Variants in TMEM272 observed in about 807,000 individuals in gnomAD.
The protein encoded by TMEM272 is transmembrane protein 272.
Under a neutral mutation model 3.7 loss-of-function variants are expected in TMEM272, and 8 were observed. The observed-to-expected ratio is 2.17, with a 90% CI of 1.27 to 3.91. The LOEUF (loss-of-function observed/expected upper bound fraction) is 3.91. Ranked by LOEUF, TMEM272 falls within the 30% of genes most tolerant of loss-of-function variation. TMEM272 has a pLI of 0.00. For missense variants in TMEM272, 166 were observed against 91.5 expected, an observed-to-expected ratio of 1.81 and a Z score of -3.32; for synonymous variants, 63 against 39.8, an observed-to-expected ratio of 1.58 and a Z score of -2.20.
chr13:51,844,363 T>G (rs969633390), intron 1 of TMEM272, among the ~76,000 whole-genome samples: 1 of 148,058 alleles, frequency 6.8e-6, no homozygotes, highest in African/African-American at 2.5e-5. Flanking sequence ...TATTAGACAT[T>G]AACCATCCCC....
intron 2 of TMEM272, among the ~76,000 whole-genome samples, chr13:51,836,006 G>C (rs1956213887): frequency 6.6e-6 from 1 of 152,236 alleles, no homozygotes; most frequent in Non-Finnish European, 1.5e-5. Flanking sequence ...CTAGGCTGAA[G>C]TATTGCATTT....
chr13:51,895,135 CCTG>C, the TMEM272 span, among the ~76,000 whole-genome samples: 1 of 152,182 alleles, frequency 6.6e-6, no homozygotes, highest in African/African-American at 2.4e-5. Context: ...CCACTCACCT[CCTG>C]CTGTGTGGCC....
the TMEM272 span, among the ~76,000 whole-genome samples, chr13:51,851,496 T>C: frequency 6.9e-6 from 1 of 145,582 alleles, no homozygotes; most frequent in Admixed American, 6.9e-5. Context: ...TCTCTCCAAA[T>C]CAGCACGAAA....
chr13:51,910,318 C>A, the TMEM272 span: 1 of 1,376,014 alleles, frequency 7.3e-7, no homozygotes, highest in Non-Finnish European at 1.0e-6. Flanking sequence ...CCTTCATACT[C>A]TTTTTGAACA....
At position 51,837,697 on chromosome 13, in the gene TMEM272, G is replaced by A. The variant is rs749496250; in HGVS notation, c.58+776C>T. Among the ~76,000 whole-genome samples, 89 of 152,346 alleles carry A rather than the reference G, an allele frequency of 5.8e-4. No individual in the cohort carries two copies. The Middle Eastern group carries it at 0.01, about 17-fold the overall frequency. ...GCTGGCATGCAGCAGTGCAGGAAAC[G>A]TCATGGGAGGAGAAGTGGGAGGTGG... is the stretch of plus-strand genomic sequence containing the variant. On this transcript the variant is annotated intron_variant, in intron 2 of 4. Coordinates refer to ENST00000629372, the MANE Select transcript of TMEM272 (RefSeq NM_001351003.2).
chr13:51,860,781 C>T, the TMEM272 span, among the ~76,000 whole-genome samples: 1 of 144,748 alleles, frequency 6.9e-6, no homozygotes, highest in Non-Finnish European at 1.5e-5. Flanking sequence ...TATACATATA[C>T]TTTTATATAG....
the TMEM272 span, among the ~76,000 whole-genome samples, chr13:51,904,042 G>A: frequency 0.17 from 25,733 of 150,448 alleles, 2,370 homozygotes; most frequent in Middle Eastern, 0.26. Context: ...ATTCACACTG[G>A]ACAAGTGAAC....
chr13:51,897,362 ATTTTTTTTTTTTTTTT>A, the TMEM272 span, among the ~76,000 whole-genome samples: 21,031 of 83,092 alleles, frequency 0.25, 1,823 homozygotes, highest in Middle Eastern at 0.54. Flanking sequence ...TGTCTGGCTA[ATTTTTTTTTTTTTTTT>A]TTTTTTTTTT....
chr13:51,855,417 A>G, the TMEM272 span, among the ~76,000 whole-genome samples: 1 of 152,252 alleles, frequency 6.6e-6, no homozygotes. Flanking sequence ...CAAAATAACA[A>G]GCCGTATAAG....
At chr13:51,913,892 T>C in the TMEM272 span, among the ~76,000 whole-genome samples, 1 of 152,182 alleles carries the variant, frequency 6.6e-6, no homozygotes, top group Admixed American at 6.5e-5. Context: ...GGCTGGGATT[T>C]TGGGTGCATT....
At chr13:51,821,366 TTGAAAAC>T (rs993201394) in intron 4 of TMEM272, among the ~76,000 whole-genome samples, 4 of 152,198 alleles carry the variant, frequency 2.6e-5, no homozygotes, top group African/African-American at 9.7e-5. Context: ...GCCAGGGATC[TTGAAAAC>T]AATTGCAGGC....
chr13:51,930,030 C>T, the TMEM272 span, among the ~76,000 whole-genome samples: 1 of 152,184 alleles, frequency 6.6e-6, no homozygotes. Flanking sequence ...GGCTTTGCTC[C>T]CTCCATGTCC....
At chr13:51,904,484 T>A in the TMEM272 span, among the ~76,000 whole-genome samples, 1 of 152,164 alleles carries the variant, frequency 6.6e-6, no homozygotes, top group Non-Finnish European at 1.5e-5. Context: ...CAGCAGCTAA[T>A]GCATAGTAGT....
At chr13:51,927,387 T>C in the TMEM272 span, among the ~76,000 whole-genome samples, 2 of 152,158 alleles carry the variant, frequency 1.3e-5, no homozygotes, top group Admixed American at 1.3e-4. Flanking sequence ...AGCTGGGTCA[T>C]CAGAAACAGC....
chr13:51,926,516 C>A, the TMEM272 span, among the ~76,000 whole-genome samples: 1 of 151,430 alleles, frequency 6.6e-6, no homozygotes, highest in Non-Finnish European at 1.5e-5. Context: ...CAGGGGAAAG[C>A]CCTGGAGCAT....
intron 1 of TMEM272, among the ~76,000 whole-genome samples, chr13:51,842,319 T>C (rs968547743): frequency 1.3e-5 from 2 of 152,232 alleles, no homozygotes; most frequent in Non-Finnish European, 1.5e-5. Flanking sequence ...TTAAACTTCT[T>C]TTTAAAACCT....
intron 3 of TMEM272, among the ~76,000 whole-genome samples, chr13:51,824,639 T>G (rs1184991992): frequency 6.6e-6 from 1 of 152,154 alleles, no homozygotes; most frequent in Non-Finnish European, 1.5e-5. Flanking sequence ...GGTGGATGAA[T>G]TGTTGCAGTT....
chr13:51,882,802 T>A, the TMEM272 span, among the ~76,000 whole-genome samples: 1 of 151,908 alleles, frequency 6.6e-6, no homozygotes, highest in Non-Finnish European at 1.5e-5. Context: ...GCCAAAAAAA[T>A]AAACACAGTT....
the TMEM272 span, among the ~76,000 whole-genome samples, chr13:51,927,184 T>G: frequency 1.3e-5 from 2 of 152,136 alleles, no homozygotes; most frequent in Non-Finnish European, 2.9e-5. Flanking sequence ...AAGGAGAAAA[T>G]GGAAGTTTAT....
Sources: gnomAD v4.1 joint callset for allele counts (sites outside exome capture counted in the v4.1 genomes callset) on GRCh38, gnomAD v4.1.1 for gene constraint, MANE v1.5 for transcripts, NCBI Gene and HGNC (gene_info 2026-07-23, HGNC 2026-07-21) for gene names.